FRK: variants seen among roughly 807,000 people sequenced by gnomAD.
FRK encodes the protein tyrosine-protein kinase FRK.
FRK carries 51 observed loss-of-function variants against 56.4 expected under a neutral mutation model. The observed-to-expected ratio is 0.90, with a 90% CI of 0.72 to 1.14. The LOEUF (loss-of-function observed/expected upper bound fraction) is 1.14. Among genes scored for constraint, FRK ranks in the 50% most tolerant of loss-of-function variants. The pLI, the probability that FRK is intolerant of heterozygous loss-of-function variation, is 0.00. For missense variants in FRK, 570 were observed against 601.4 expected (o/e 0.95, Z 0.55); for synonymous variants, 245 against 217.9 (o/e 1.12, Z -1.10).
Position 115,984,168 on chromosome 6 carries a change from T to A in FRK, c.467-15429A>T, listed in dbSNP as rs1005814015. 3.9e-5 allele frequency among the ~76,000 whole-genome samples: 6 copies of A among 152,132 alleles called. 1 individual carries two copies. The highest frequency in any genetic ancestry group is 8.8e-5 in the Non-Finnish European group (6 of 68,010). Reference sequence around the variant, plus strand: ...ATCCACTGTGTATCTACCTCTGTTATTGAATTCATTCCACATCATTGCTTA... The same window carrying A: ...ATCCACTGTGTATCTACCTCTGTTAATGAATTCATTCCACATCATTGCTTA... On this transcript the variant is annotated intron_variant, in intron 2 of 7. Coordinates refer to ENST00000606080, the MANE Select transcript of FRK (RefSeq NM_002031.3).
chr6:116,036,754 C>T (rs972675599), intron 1 of FRK, among the ~76,000 whole-genome samples: 4 of 151,922 alleles, frequency 2.6e-5, no homozygotes, highest in African/African-American at 7.2e-5. Flanking sequence ...AGTAAAATAA[C>T]GTTACAACAT....
chr6:115,978,084 T>G (rs1317612723), intron 2 of FRK, among the ~76,000 whole-genome samples: 2 of 152,188 alleles, frequency 1.3e-5, no homozygotes, highest in African/African-American at 4.8e-5. Flanking sequence ...TCTTTATTCC[T>G]CTTGGGACTC....
At chr6:116,045,466 A>G (rs1011007725) in intron 1 of FRK, among the ~76,000 whole-genome samples, 1 of 152,230 alleles carries the variant, frequency 6.6e-6, no homozygotes, top group African/African-American at 2.4e-5. Flanking sequence ...CAAACCTGAC[A>G]AAAACAAGAA....
chr6:116,015,512 A>C (rs1166984210), intron 1 of FRK, among the ~76,000 whole-genome samples: 1 of 152,216 alleles, frequency 6.6e-6, no homozygotes, highest in Non-Finnish European at 1.5e-5. Flanking sequence ...GAAAAACTGA[A>C]AATGTGGAAG....
intron 1 of FRK, 21 bp downstream of exon 1, chr6:116,059,947 G>A (rs748187298): frequency 6.3e-6 from 10 of 1,581,776 alleles, no homozygotes; most frequent in Middle Eastern, 3.4e-4. Flanking sequence ...CAGAAATTAA[G>A]TATAAGTTTG....
intron 5 of FRK, among the ~76,000 whole-genome samples, chr6:115,948,710 C>T (rs113135505): frequency 1.3e-5 from 2 of 152,164 alleles, no homozygotes; most frequent in Admixed American, 6.5e-5. Context: ...TTCCTTCAGT[C>T]GTTTCCACGT....
At chr6:115,960,066 T>A (rs984693852) in intron 4 of FRK, among the ~76,000 whole-genome samples, 1 of 152,156 alleles carries the variant, frequency 6.6e-6, no homozygotes, top group African/African-American at 2.4e-5. Context: ...TAGGAACAGC[T>A]CCTGTCTACA....
intron 2 of FRK, among the ~76,000 whole-genome samples, chr6:115,972,736 A>T (rs1210279121): frequency 6.6e-6 from 1 of 152,204 alleles, no homozygotes; most frequent in Admixed American, 6.5e-5. Flanking sequence ...ACATTGTTAT[A>T]TTCACATGTA....
At chr6:115,967,985 G>T (rs1346838476) in intron 3 of FRK, among the ~76,000 whole-genome samples, 11 of 152,046 alleles carry the variant, frequency 7.2e-5, no homozygotes, top group Non-Finnish European at 1.5e-4. Context: ...CCTCACTCAG[G>T]TCTGGAATGA....
At chr6:116,042,247 A>G (rs773497355) in intron 1 of FRK, among the ~76,000 whole-genome samples, 20 of 152,148 alleles carry the variant, frequency 1.3e-4, no homozygotes, top group Non-Finnish European at 2.5e-4. Context: ...AGCAGCCCCA[A>G]TCAGGGGCTT....
In FRK at chr6:115,942,292, T is replaced by C; in HGVS notation, c.*122A>G. 1.2e-6 allele frequency: 1 copy of C among 813,522 alleles called. No homozygotes were observed. Among genetic ancestry groups the C allele is most frequent in the Admixed American group, 2.4e-5 (1 of 42,360 alleles). The allele number at this position is 813,522 out of a possible 1,614,324, so 50.4% of individuals were successfully genotyped here. ...CTTTTTCATAATACATGGCCAACTT[T>C]ATCCTATCACTTGAATATGTCAGGA... On this transcript the variant is annotated 3_prime_UTR_variant, in exon 8 of 8. Transcript: ENST00000606080.
intron 1 of FRK, among the ~76,000 whole-genome samples, chr6:116,012,993 C>CA (rs1222397525): frequency 2.0e-5 from 3 of 152,106 alleles, no homozygotes; most frequent in Non-Finnish European, 4.4e-5. Flanking sequence ...GATAAAGTGA[C>CA]AATGTCAAAT....
At chr6:116,067,148 C>A in the FRK span, among the ~76,000 whole-genome samples, 6 of 151,944 alleles carry the variant, frequency 3.9e-5, no homozygotes, top group South Asian at 4.1e-4. Context: ...AGAGAGAAGC[C>A]CAGCCATGTG....
chr6:116,053,925 A>G (rs529157670), intron 1 of FRK, among the ~76,000 whole-genome samples: 1 of 152,242 alleles, frequency 6.6e-6, no homozygotes, highest in African/African-American at 2.4e-5. Flanking sequence ...CTTTACTGCT[A>G]TTAATTACTT....
At chr6:116,014,559 A>G (rs956962865) in intron 1 of FRK, among the ~76,000 whole-genome samples, 4 of 140,584 alleles carry the variant, frequency 2.8e-5, no homozygotes, top group Admixed American at 7.1e-5. Flanking sequence ...GTGGTCAGGG[A>G]AAAAAAAAAA....
At chr6:115,983,395 C>G (rs1562270269) in intron 2 of FRK, among the ~76,000 whole-genome samples, 3 of 152,152 alleles carry the variant, frequency 2.0e-5, no homozygotes, top group Non-Finnish European at 2.9e-5. Context: ...AGCAAGTAAC[C>G]TTGGAGCTAC....
intron 1 of FRK, among the ~76,000 whole-genome samples, chr6:116,040,386 C>G (rs1442243232): frequency 6.6e-6 from 1 of 151,886 alleles, no homozygotes; most frequent in African/African-American, 2.4e-5. Context: ...ATCTATAATA[C>G]TCAAATAAGT....
rs1336353902 is a variant in FRK, at chr6:115,932,791, A to G, written c.*9623T>C. On this transcript the variant is annotated 3_prime_UTR_variant, in exon 8 of 8. Transcript: ENST00000606080. The stretch of plus-strand genomic sequence containing the variant: ...TGGGTAGTGGTATGGCATCCTTCCA[A>G]TGGCAACAGTTTCCTTTAGGCCTCC... The G allele has an allele frequency of 6.6e-6, 1 of 152,198 alleles. No homozygotes were observed. Among genetic ancestry groups the G allele is most frequent in the East Asian group, 1.9e-4 (1 of 5,198 alleles). The allele number at this position is 152,198 out of a possible 1,614,324, so 9.4% of individuals were successfully genotyped here.
intron 2 of FRK, among the ~76,000 whole-genome samples, chr6:115,982,179 C>T (rs979204840): frequency 6.6e-6 from 1 of 152,140 alleles, no homozygotes; most frequent in African/African-American, 2.4e-5. Context: ...GGCAACTTCA[C>T]TCTCTCTCCT....
Sources: allele counts gnomAD v4.1 joint callset (sites outside exome capture counted in the v4.1 genomes callset), GRCh38; gene constraint gnomAD v4.1.1; transcripts MANE v1.5; gene names NCBI Gene and HGNC (gene_info 2026-07-23, HGNC 2026-07-21).